MALRD1: variants seen among roughly 807,000 people sequenced by gnomAD.
MALRD1 encodes the protein MAM and LDL receptor class A domain containing 1, also known as MAM and LDL-receptor class A domain-containing protein 1.
In MALRD1, 247 loss-of-function variants were observed where a neutral mutation model predicts 242.1. That is an observed-to-expected ratio of 1.02 (90% CI 0.92 to 1.13). The LOEUF is 1.13. Among genes scored for constraint, MALRD1 ranks in the 50% most tolerant of loss-of-function variants. MALRD1 has a pLI of 0.00. For missense variants in MALRD1, 2,989 were observed against 2,533.1 expected (o/e 1.18, Z -3.86); for synonymous variants, 995 against 866.6 (o/e 1.15, Z -2.60).
chr10:19,109,551 G>C (rs1836602334), intron 5 of MALRD1, among the ~76,000 whole-genome samples: 1 of 152,226 alleles, frequency 6.6e-6, no homozygotes, highest in African/African-American at 2.4e-5. Context: ...AGCTGGGATG[G>C]TGTGCTGCAG....
intron 18 of MALRD1, among the ~76,000 whole-genome samples, chr10:19,235,559 A>T (rs1244675928): frequency 7.9e-6 from 1 of 127,192 alleles, no homozygotes; most frequent in Non-Finnish European, 1.6e-5. Flanking sequence ...CAGGACACAC[A>T]CACCCACACC....
chr10:19,688,566 G>T (rs1842695732), intron 36 of MALRD1, among the ~76,000 whole-genome samples: 1 of 152,156 alleles, frequency 6.6e-6, no homozygotes. Context: ...CAGCCCTAAT[G>T]ATTCTTAATA....
intron 24 of MALRD1, among the ~76,000 whole-genome samples, chr10:19,338,038 G>A (rs1843685494): frequency 6.7e-6 from 1 of 149,310 alleles, no homozygotes; most frequent in Non-Finnish European, 1.5e-5. Context: ...CTCCAGCCTG[G>A]TGACAGAGCA....
chr10:19,649,692 T>C (rs1220407365), intron 36 of MALRD1, among the ~76,000 whole-genome samples: 2 of 152,192 alleles, frequency 1.3e-5, no homozygotes, highest in African/African-American at 2.4e-5. Flanking sequence ...CTGTTTACTC[T>C]GTTAATAGTT....
At chr10:19,246,655 G>C (rs889895689) in intron 18 of MALRD1, among the ~76,000 whole-genome samples, 2 of 152,094 alleles carry the variant, frequency 1.3e-5, no homozygotes, top group Non-Finnish European at 2.9e-5. Flanking sequence ...AGATGAAGCT[G>C]AGGTGATTGC....
intron 28 of MALRD1, among the ~76,000 whole-genome samples, chr10:19,436,612 C>T (rs1326527602): frequency 6.6e-6 from 1 of 152,128 alleles, no homozygotes; most frequent in Non-Finnish European, 1.5e-5. Context: ...TTCCTTTTCC[C>T]TTTAGTTTTA....
chr10:19,242,103 A>G (rs564416956), intron 18 of MALRD1, among the ~76,000 whole-genome samples: 7 of 152,274 alleles, frequency 4.6e-5, no homozygotes, highest in African/African-American at 1.4e-4. Flanking sequence ...TAATTTACAG[A>G]GAAAAAGAGG....
chr10:19,437,214 G>C (rs569320196), intron 28 of MALRD1, among the ~76,000 whole-genome samples: 1 of 152,194 alleles, frequency 6.6e-6, no homozygotes, highest in South Asian at 2.1e-4. Context: ...TTGGGTATTG[G>C]TCCTAAGATC....
At chr10:19,057,997 A>T (rs1834717141) in intron 1 of MALRD1, among the ~76,000 whole-genome samples, 1 of 152,234 alleles carries the variant, frequency 6.6e-6, no homozygotes. Context: ...GAAAAAAAAT[A>T]GCTGATAGTA....
chr10:19,226,418 A>G (rs1837803418), intron 18 of MALRD1, among the ~76,000 whole-genome samples: 1 of 152,172 alleles, frequency 6.6e-6, no homozygotes, highest in Non-Finnish European at 1.5e-5. Context: ...TAAGATTATG[A>G]AAAATGCAAT....
intron 26 of MALRD1, among the ~76,000 whole-genome samples, chr10:19,373,646 A>T (rs2130758174): frequency 1.3e-5 from 2 of 152,312 alleles, no homozygotes. Context: ...CCTTCTAAGG[A>T]TGTGTCTTGT....
intron 18 of MALRD1, among the ~76,000 whole-genome samples, chr10:19,230,110 G>A (rs960598256): frequency 6.6e-6 from 1 of 152,172 alleles, no homozygotes; most frequent in South Asian, 2.1e-4. Context: ...CATGTAAGAC[G>A]TGCCTTTCGC....
intron 38 of MALRD1, among the ~76,000 whole-genome samples, chr10:19,709,771 T>G (rs1024938158): frequency 2.6e-5 from 4 of 152,204 alleles, no homozygotes; most frequent in African/African-American, 9.7e-5. Context: ...AAAAGATGCC[T>G]AATTTACAAT....
chr10:19,601,107 T>C (rs911082695), intron 34 of MALRD1, among the ~76,000 whole-genome samples: 1 of 152,114 alleles, frequency 6.6e-6, no homozygotes, highest in Non-Finnish European at 1.5e-5. Context: ...GTTTCAAGCT[T>C]CTGGGCTCAA....
chr10:19,134,809 A>T (rs1254868582), intron 9 of MALRD1, among the ~76,000 whole-genome samples: 1 of 152,224 alleles, frequency 6.6e-6, no homozygotes, highest in East Asian at 1.9e-4. Flanking sequence ...AAGAAAATGA[A>T]TTTGAGAGTT....
chr10:19,593,034 T>G (rs1446462125), intron 33 of MALRD1, among the ~76,000 whole-genome samples: 1 of 152,026 alleles, frequency 6.6e-6, no homozygotes, highest in Non-Finnish European at 1.5e-5. Context: ...TTTCTGTACT[T>G]TAAGTGTGAG....
At chr10:19,667,266 G>A (rs1053459702) in intron 36 of MALRD1, among the ~76,000 whole-genome samples, 4 of 151,968 alleles carry the variant, frequency 2.6e-5, no homozygotes, top group African/African-American at 4.8e-5. Flanking sequence ...GACCAGCCTG[G>A]GCAACATATG....
In MALRD1 at chr10:19,231,155, G is replaced by T. The variant is rs569308782; in HGVS notation, c.2991+21475G>T. ...ACAACTCGTATCTGAAGAATGGCCAGTGAAAGGTATTAAAACTCCATACTC... is the reference window on the plus strand; with the variant it reads ...ACAACTCGTATCTGAAGAATGGCCATTGAAAGGTATTAAAACTCCATACTC... On this transcript the variant is annotated intron_variant, in intron 18 of 39. Coordinates refer to ENST00000454679, the MANE Select transcript of MALRD1 (RefSeq NM_001142308.3). Among the ~76,000 whole-genome samples, 9 of 152,288 alleles carry T rather than the reference G, an allele frequency of 5.9e-5. No individual in the cohort carries two copies. In the East Asian group the frequency reaches 1.2e-3, roughly 20 times the overall value.
intron 7 of MALRD1, 96 bp from the exon 8 acceptor site, chr10:19,128,125 G>T: frequency 1.2e-6 from 1 of 832,166 alleles, no homozygotes; most frequent in Non-Finnish European, 1.6e-6. Flanking sequence ...TGTGTTTTAA[G>T]TCTAGTTTTG....
Sources: gnomAD v4.1 joint callset for allele counts (sites outside exome capture counted in the v4.1 genomes callset) on GRCh38, gnomAD v4.1.1 for gene constraint, MANE v1.5 for transcripts, NCBI Gene and HGNC (gene_info 2026-07-23, HGNC 2026-07-21) for gene names.